Variants in CSMD1 observed in about 807,000 individuals in gnomAD.
CSMD1 encodes the protein CUB and Sushi multiple domains 1.
CSMD1 carries 213 observed loss-of-function variants against 417.5 expected under a neutral mutation model. That is an observed-to-expected ratio of 0.51 (90% confidence interval 0.46 to 0.57). The LOEUF (loss-of-function observed/expected upper bound fraction) is 0.57, where lower values mean the gene tolerates loss of function less well. CSMD1 is among the 20% of genes least tolerant of loss of function. The pLI, the probability that CSMD1 is intolerant of heterozygous loss-of-function variation, is 0.00. For missense variants in CSMD1, 6,923 were observed against 4,529.7 expected (o/e 1.53, Z -15.17); for synonymous variants, 2,862 against 1,736.8 (o/e 1.65, Z -16.11).
chr8:4,648,201 A>T (rs1803658265), intron 1 of CSMD1, among the ~76,000 whole-genome samples: 1 of 152,214 alleles, frequency 6.6e-6, no homozygotes, highest in Non-Finnish European at 1.5e-5. Flanking sequence ...TTTGTTGGAC[A>T]CATAAATGTC....
Position 2,978,746 on chromosome 8 carries a change from T to G in CSMD1, c.8432A>C (p.Gln2811Pro), listed in dbSNP as rs372058205. The change falls in exon 55 of 70, where the codon CAG becomes CCG. Residue 2811 changes from glutamine (Q) to proline (P), a missense_variant. Gln to Pro is a moderately conservative substitution (Grantham distance 76). Transcript: ENST00000635120. ...FVENAIRHGQ[Q>P]NFPESFEYGM... The stretch of plus-strand genomic sequence containing the variant: ...ATACTCAAAACTCTCAGGGAAGTTC[T>G]GTTGCCCGTGACGAATGGCATTTTC... The G allele has an allele frequency of 6.2e-7, 1 of 1,613,648 alleles. No individual in the cohort carries two copies. Among genetic ancestry groups the G allele is most frequent in the East Asian group, 2.2e-5 (1 of 44,848 alleles).
intron 18 of CSMD1, 46 bp from the exon 19 acceptor site, chr8:3,369,416 T>A: frequency 1.1e-6 from 1 of 909,018 alleles, no homozygotes; most frequent in Non-Finnish European, 1.8e-6. Flanking sequence ...AGTTTCACAA[T>A]GATTGCCAGA....
At chr8:4,267,532 G>A (rs1374966121) in intron 3 of CSMD1, among the ~76,000 whole-genome samples, 1 of 151,658 alleles carries the variant, frequency 6.6e-6, no homozygotes, top group Admixed American at 6.6e-5. Context: ...CAGCTACACT[G>A]CAACTCCAAT....
At chr8:4,249,154 A>G (rs1442736574) in intron 3 of CSMD1, among the ~76,000 whole-genome samples, 2 of 152,202 alleles carry the variant, frequency 1.3e-5, no homozygotes, top group Non-Finnish European at 2.9e-5. Context: ...TAATCTTAAC[A>G]TATATTAAGA....
At chr8:3,896,034 G>A (rs952102408) in intron 5 of CSMD1, among the ~76,000 whole-genome samples, 5 of 152,196 alleles carry the variant, frequency 3.3e-5, no homozygotes, top group African/African-American at 1.2e-4. Flanking sequence ...AAGAAAGGAA[G>A]AAATGACTGC....
intron 3 of CSMD1, among the ~76,000 whole-genome samples, chr8:4,316,918 C>G (rs1387564073): frequency 2.0e-5 from 3 of 152,064 alleles, no homozygotes; most frequent in African/African-American, 7.2e-5. Flanking sequence ...AATAGAAAAG[C>G]CAGGTACTGA....
intron 3 of CSMD1, among the ~76,000 whole-genome samples, chr8:4,064,101 C>T (rs982318384): frequency 1.3e-5 from 2 of 152,252 alleles, no homozygotes; most frequent in East Asian, 3.9e-4. Flanking sequence ...AATCTACTCT[C>T]CTGCAGCAAA....
At chr8:4,960,104 C>T (rs980797653) in intron 1 of CSMD1, among the ~76,000 whole-genome samples, 2 of 152,076 alleles carry the variant, frequency 1.3e-5, no homozygotes, top group Admixed American at 6.6e-5. Context: ...ATAATGAATA[C>T]ATTTTTAGGA....
chr8:4,780,447 A>G (rs908491056), intron 1 of CSMD1, among the ~76,000 whole-genome samples: 1 of 151,706 alleles, frequency 6.6e-6, no homozygotes, highest in Non-Finnish European at 1.5e-5. Context: ...CTACCTACCT[A>G]CCTACCTATC....
intron 7 of CSMD1, among the ~76,000 whole-genome samples, chr8:3,698,269 T>C (rs919605910): frequency 6.6e-6 from 1 of 152,206 alleles, no homozygotes; most frequent in African/African-American, 2.4e-5. Context: ...ACCTGACTGA[T>C]GAAGCATTTT....
intron 1 of CSMD1, among the ~76,000 whole-genome samples, chr8:4,928,810 C>T (rs1279905364): frequency 2.0e-5 from 3 of 152,120 alleles, no homozygotes; most frequent in Non-Finnish European, 4.4e-5. Context: ...TGGCTCACTC[C>T]TGTAATCACA....
chr8:3,347,115 T>C (rs556040168), intron 22 of CSMD1, among the ~76,000 whole-genome samples: 2 of 152,358 alleles, frequency 1.3e-5, no homozygotes, highest in East Asian at 1.9e-4. Flanking sequence ...GTTTTAAATA[T>C]GTTTACGAAT....
chr8:3,958,316 C>CTTTTTTTTTT (rs1563253912), intron 5 of CSMD1, among the ~76,000 whole-genome samples: 1 of 128,960 alleles, frequency 7.8e-6, no homozygotes, highest in Non-Finnish European at 1.6e-5. Context: ...TTTTTAAACT[C>CTTTTTTTTTT]TCTCTTTTTT....
intron 5 of CSMD1, among the ~76,000 whole-genome samples, chr8:3,909,754 T>C (rs910495727): frequency 6.6e-6 from 1 of 152,192 alleles, no homozygotes; most frequent in African/African-American, 2.4e-5. Flanking sequence ...GTCTTGACTC[T>C]GGAGCTAATA....
At chr8:3,651,137 G>A (rs1797832271) in intron 7 of CSMD1, among the ~76,000 whole-genome samples, 3 of 152,186 alleles carry the variant, frequency 2.0e-5, no homozygotes, top group Admixed American at 2.0e-4. Flanking sequence ...GATTACAGCA[G>A]TAGCTTTCTT....
intron 5 of CSMD1, among the ~76,000 whole-genome samples, chr8:3,771,810 T>C (rs1274877584): frequency 6.6e-6 from 1 of 152,104 alleles, no homozygotes; most frequent in Non-Finnish European, 1.5e-5. Flanking sequence ...CCCTTTACTA[T>C]GAGGCAGAAT....
At chr8:3,260,150 C>G (rs1198840358) in intron 26 of CSMD1, among the ~76,000 whole-genome samples, 4 of 152,202 alleles carry the variant, frequency 2.6e-5, no homozygotes, top group Non-Finnish European at 5.9e-5. Context: ...CATTAATTCT[C>G]ATGTCTTTGA....
chr8:4,804,418 T>C (rs920011028), intron 1 of CSMD1, among the ~76,000 whole-genome samples: 1 of 152,112 alleles, frequency 6.6e-6, no homozygotes, highest in Non-Finnish European at 1.5e-5. Flanking sequence ...TCTATGCAAT[T>C]ACTGAATAAA....
chr8:4,757,233 A>G (rs1037166359), intron 1 of CSMD1, among the ~76,000 whole-genome samples: 4 of 152,198 alleles, frequency 2.6e-5, no homozygotes. Flanking sequence ...CCTTAGAGAA[A>G]ACAACTTGCA....
Sources: gnomAD v4.1 joint callset for allele counts (sites outside exome capture counted in the v4.1 genomes callset) on GRCh38, gnomAD v4.1.1 for gene constraint, MANE v1.5 for transcripts, NCBI Gene and HGNC (gene_info 2026-07-23, HGNC 2026-07-21) for gene names.